CCDC6: variants seen among roughly 807,000 people sequenced by gnomAD.
The protein encoded by CCDC6 is coiled-coil domain containing 6, also known as coiled-coil domain-containing protein 6.
CCDC6 carries 20 observed loss-of-function variants against 56.6 expected under a neutral mutation model. That is an observed-to-expected ratio of 0.35 (90% CI 0.25 to 0.51). The LOEUF (loss-of-function observed/expected upper bound fraction) is 0.51. CCDC6 is among the 20% of genes least tolerant of loss of function. The probability of loss-of-function intolerance (pLI) is 0.95; values close to 1 mark genes in which losing one functional copy is unlikely to be tolerated. For missense variants in CCDC6, 367 were observed against 601.1 expected, an observed-to-expected ratio of 0.61 and a Z score of 4.07; for synonymous variants, 241 against 234.4, an observed-to-expected ratio of 1.03 and a Z score of -0.26.
At chr10:59,847,143 C>T (rs2070999495) in intron 2 of CCDC6, among the ~76,000 whole-genome samples, 1 of 151,990 alleles carries the variant, frequency 6.6e-6, no homozygotes, top group Non-Finnish European at 1.5e-5. Flanking sequence ...AGGTCCGCCT[C>T]CTGGGTTCAC....
chr10:59,807,618 G>A (rs570653343), intron 5 of CCDC6, among the ~76,000 whole-genome samples: 8 of 152,332 alleles, frequency 5.3e-5, no homozygotes, highest in African/African-American at 1.9e-4. Flanking sequence ...AAAAGGCAGT[G>A]TTGGCAGGTT....
chr10:59,868,407 G>A (rs1288915831), intron 1 of CCDC6, among the ~76,000 whole-genome samples: 1 of 152,204 alleles, frequency 6.6e-6, no homozygotes, highest in African/African-American at 2.4e-5. Flanking sequence ...ACTGGGCCAT[G>A]CAGATACGTT....
chr10:59,841,792 C>T (rs1359885460), intron 2 of CCDC6, among the ~76,000 whole-genome samples: 1 of 151,730 alleles, frequency 6.6e-6, no homozygotes, highest in African/African-American at 2.4e-5. Flanking sequence ...CTCAGCCTCC[C>T]GAGTAGCTGG....
rs1236973779 is a variant in CCDC6 at position 59,792,573 on chromosome 10, C to T, written c.*344G>A. ...AAATATAAAAAAGATATCCCTTTTT[C>T]TTTTACAAACCTAAAAGCCAGGAGA... On this transcript the variant is annotated 3_prime_UTR_variant, in exon 9 of 9. Transcript: ENST00000263102. 3.4e-6 allele frequency: 2 copies of T among 592,492 alleles called. No homozygotes were observed. Among genetic ancestry groups the T allele is most frequent in the Admixed American group, 2.2e-5 (1 of 45,146 alleles). 36.7% of individuals were successfully genotyped at this position (592,492 alleles called of 1,614,324 possible). A position where few individuals can be genotyped will look rare whatever the true frequency, so the allele number is the denominator to read the frequency against.
rs138696183 is a variant in CCDC6 at position 59,816,849 on chromosome 10, T to C, written c.583-2094A>G. Among the ~76,000 whole-genome samples, 527 of 152,222 alleles carry C rather than the reference T, an allele frequency of 3.5e-3. 3 individuals carry two copies. Among genetic ancestry groups the C allele is most frequent in the African/African-American group, 0.012 (493 of 41,530 alleles). ...GCACCTTATAGGCCATCAATATATA[T>C]TAGAGGGCTTATTTGACAAGTGAAT... On this transcript the variant is annotated intron_variant, in intron 3 of 8. Coordinates refer to ENST00000263102, the MANE Select transcript of CCDC6 (RefSeq NM_005436.5).
rs1485464632 is a variant in CCDC6, at chr10:59,789,043, T to A, written c.*3874A>T. The A allele has an allele frequency of 4.5e-6, 1 of 223,318 alleles. No homozygotes were observed. Among genetic ancestry groups the A allele is most frequent in the East Asian group, 6.5e-5 (1 of 15,440 alleles). The allele number at this position is 223,318 out of a possible 1,614,324, so 13.8% of individuals were successfully genotyped here. The stretch of plus-strand genomic sequence containing the variant: ...TTGTTGACATCTTTCTGTTGGACAG[T>A]CCACTTTCGCTTTCCAGGCTAAGTT... On this transcript the variant is annotated 3_prime_UTR_variant, in exon 9 of 9. Coordinates refer to ENST00000263102, the MANE Select transcript of CCDC6 (RefSeq NM_005436.5).
Position 59,866,295 on chromosome 10 carries a change from C to A in CCDC6, c.304-13593G>T, listed in dbSNP as rs376878143. 7.9e-5 allele frequency among the ~76,000 whole-genome samples: 12 copies of A among 152,208 alleles called. No homozygotes were observed. In the East Asian group the frequency reaches 1.5e-3, roughly 20 times the overall value. ...GATCTTGTCTTGGCTACATAAATAG[C>A]CTCAAGAATAAAGAGATTTAAAATG... On this transcript the variant is annotated intron_variant, in intron 1 of 8. Transcript: ENST00000263102.
At chr10:59,817,211 C>T (rs1330672134) in intron 3 of CCDC6, among the ~76,000 whole-genome samples, 4 of 152,180 alleles carry the variant, frequency 2.6e-5, no homozygotes, top group African/African-American at 7.2e-5. Context: ...GACAAGGTCT[C>T]GCTCTGTTGC....
At chr10:59,804,383 G>A (rs1230347653) in intron 7 of CCDC6, 37 bp downstream of exon 7, 2 of 1,236,958 alleles carry the variant, frequency 1.6e-6, no homozygotes, top group Admixed American at 3.4e-5. Context: ...AATGTGCCAG[G>A]AATCAGTCAC....
intron 1 of CCDC6, among the ~76,000 whole-genome samples, chr10:59,904,607 T>C (rs913429466): frequency 2.0e-5 from 3 of 152,198 alleles, no homozygotes; most frequent in Non-Finnish European, 4.4e-5. Flanking sequence ...GAAAGCTGCA[T>C]AGGAGGCTTG....
chr10:59,892,064 C>T (rs568262126), intron 1 of CCDC6, among the ~76,000 whole-genome samples: 2 of 152,292 alleles, frequency 1.3e-5, no homozygotes, highest in South Asian at 4.2e-4. Context: ...AAAGTCAGTC[C>T]ATTTCAAAGA....
chr10:59,848,925 G>A (rs1281459532), intron 2 of CCDC6, among the ~76,000 whole-genome samples: 1 of 152,082 alleles, frequency 6.6e-6, no homozygotes, highest in African/African-American at 2.4e-5. Flanking sequence ...ATGTTGGCCA[G>A]GCTGGTCTTG....
intron 1 of CCDC6, among the ~76,000 whole-genome samples, chr10:59,896,444 A>T (rs1195877482): frequency 1.3e-5 from 2 of 152,212 alleles, no homozygotes; most frequent in Non-Finnish European, 2.9e-5. Context: ...GAGTGACAGA[A>T]AAGAACCATA....
chr10:59,873,581 C>T (rs1007126704), intron 1 of CCDC6, among the ~76,000 whole-genome samples: 1 of 152,130 alleles, frequency 6.6e-6, no homozygotes, highest in African/African-American at 2.4e-5. Context: ...GTCTGTGAAA[C>T]ATTGTTACAA....
chr10:59,841,828 C>T (rs555727793), intron 2 of CCDC6, among the ~76,000 whole-genome samples: 193 of 151,670 alleles, frequency 1.3e-3, no homozygotes, highest in African/African-American at 4.0e-3. Context: ...CAACCACGCC[C>T]GGCTAATTTT....
intron 1 of CCDC6, among the ~76,000 whole-genome samples, chr10:59,903,177 G>A (rs1290592727): frequency 2.0e-5 from 3 of 152,198 alleles, no homozygotes; most frequent in Admixed American, 2.0e-4. Context: ...TGAACAGAGC[G>A]TGGAAGACTT....
Position 59,862,516 on chromosome 10 carries a change from T to TATACAC in CCDC6, c.304-9815_304-9814insGTGTAT, listed in dbSNP as rs1554886091. Among the ~76,000 whole-genome samples, 293 of 97,162 alleles carry TATACAC rather than the reference T, an allele frequency of 3.0e-3. 4 individuals are homozygous for TATACAC. The highest frequency in any genetic ancestry group is 4.8e-3 in the African/African-American group (98 of 20,270). 63.7% of individuals were successfully genotyped at this position (97,162 alleles called of 152,430 possible). A position where few individuals can be genotyped will look rare whatever the true frequency, so the allele number is the denominator to read the frequency against. On this transcript the variant is annotated intron_variant, in intron 1 of 8. Transcript: ENST00000263102. ...AAAAAAAAAAGTATATATATATATA[T>TATACAC]ACACACACACACACACACACACACA... is the stretch of plus-strand genomic sequence containing the variant.
chr10:59,793,648 G>T (rs56692362), intron 8 of CCDC6, among the ~76,000 whole-genome samples: 29,627 of 152,034 alleles, frequency 0.19, 3,224 homozygotes, highest in African/African-American at 0.29. Flanking sequence ...GCCAGGTGTG[G>T]TGCCGTGTGC....
chr10:59,797,659 T>TGA (rs373439987), intron 7 of CCDC6, among the ~76,000 whole-genome samples: 13,087 of 108,676 alleles, frequency 0.12, 1,122 homozygotes, highest in African/African-American at 0.29. Context: ...CATGAGTGAG[T>TGA]GAGAGAGAGA....
Sources: gnomAD v4.1 joint callset for allele counts (sites outside exome capture counted in the v4.1 genomes callset) on GRCh38, gnomAD v4.1.1 for gene constraint, MANE v1.5 for transcripts, NCBI Gene and HGNC (gene_info 2026-07-23, HGNC 2026-07-21) for gene names.